FEZF1: variants seen among roughly 807,000 people sequenced by gnomAD.
The protein encoded by FEZF1 is fez family zinc finger protein 1.
A neutral mutation model predicts 32.4 loss-of-function variants in FEZF1; 8 were observed. That is an observed-to-expected ratio of 0.25 (90% CI 0.15 to 0.45). The LOEUF (loss-of-function observed/expected upper bound fraction) is 0.45, where lower values mean the gene tolerates loss of function less well. Among genes scored for constraint, FEZF1 ranks in the 20% least tolerant of loss-of-function variants. The pLI is 1.00. For missense variants in FEZF1, 546 were observed against 622.3 expected, an observed-to-expected ratio of 0.88 and a Z score of 1.31; for synonymous variants, 259 against 265.2, an observed-to-expected ratio of 0.98 and a Z score of 0.23.
rs556031931 is a variant in FEZF1, at chr7:122,303,433, A to G, written c.802-122T>C. 46 of 1,220,846 alleles carry G rather than the reference A, an allele frequency of 3.8e-5. No individual in the cohort carries two copies. In the East Asian group the frequency reaches 7.6e-4, roughly 20 times the overall value. The allele number at this position is 1,220,846 out of a possible 1,614,324, so 75.6% of individuals were successfully genotyped here. A position where few individuals can be genotyped will look rare whatever the true frequency, so the allele number is the denominator to read the frequency against. ...AAGTGTATGCAAATAATTACCCCCA[A>G]AATACTAAAAAGGGAGGAAGGAAAG... On this transcript the variant is annotated intron_variant, in intron 1 of 3. Coordinates refer to ENST00000442488, the MANE Select transcript of FEZF1 (RefSeq NM_001024613.4).
chr7:122,307,855 AAC>A (rs2031328705), upstream of FEZF1, among the ~76,000 whole-genome samples: 1 of 152,262 alleles, frequency 6.6e-6, no homozygotes, highest in African/African-American at 2.4e-5. Flanking sequence ...CCTAACCAAA[AAC>A]ACATGTTAAT....
chr7:122,303,574 G>GA (rs1206931630), intron 1 of FEZF1, 63 bp downstream of exon 1: 29 of 1,061,072 alleles, frequency 2.7e-5, no homozygotes, highest in Non-Finnish European at 3.5e-5. Flanking sequence ...GGGAGGGAGG[G>GA]AGGGAAGGAA....
At chr7:122,303,501 G>A in intron 1 of FEZF1, 136 bp downstream of exon 1, 1 of 535,878 alleles carries the variant, frequency 1.9e-6, no homozygotes. Flanking sequence ...AAGGAAGGAA[G>A]GAAGGAAGGA....
rs1369155665 is a variant in FEZF1, at chr7:122,302,697, C to A, written c.1069+102G>T. On this transcript the variant is annotated intron_variant, in intron 3 of 3. Coordinates refer to ENST00000442488, the MANE Select transcript of FEZF1 (RefSeq NM_001024613.4). The surrounding 1 kb of genome is among the most constrained non-coding windows in gnomAD (Gnocchi z 4.4). ...GGAGTTAGAATGGCAACAAAAGTGC[C>A]ACATAACTACACTTTAAACATCGTC... 4 of 1,293,190 alleles carry A rather than the reference C, an allele frequency of 3.1e-6. No individual in the cohort carries two copies. Among genetic ancestry groups the A allele is most frequent in the Middle Eastern group, 3.7e-4 (2 of 5,376 alleles). The allele number at this position is 1,293,190 out of a possible 1,614,324, so 80.1% of individuals were successfully genotyped here.
At chr7:122,306,245 C>T (rs2031277286), upstream of FEZF1, 2 of 152,816 alleles carry the variant, frequency 1.3e-5, no homozygotes, top group South Asian at 4.1e-4. Flanking sequence ...CGCAGCAGCT[C>T]AAGGTGCCAT....
rs780783637 is a variant in FEZF1 at position 122,303,841 on chromosome 7, G to C, written c.597C>G (p.Ala199=). The C allele has an allele frequency of 4.3e-6, 7 of 1,614,054 alleles. No homozygotes were observed. Among genetic ancestry groups the C allele is most frequent in the African/African-American group, 1.3e-5 (1 of 74,906 alleles). The change falls in exon 1 of 4, where the codon GCC becomes GCG. Residue 199 remains alanine (A), a synonymous_variant. Transcript: ENST00000442488. The part of the protein sequence containing the change: ...PLHPQPKTYL[A]ERNKLVVPAV... The stretch of plus-strand genomic sequence containing the variant: ...CCGGGACCACCAGTTTATTCCTTTC[G>C]GCTAAATACGTTTTTGGCTGCGGGT...
Position 122,302,322 on chromosome 7 carries a change from C to G in FEZF1, c.1103G>C (p.Gly368Ala), listed in dbSNP as rs1336712587. The change falls in exon 4 of 4, where the codon GGG becomes GCG. Residue 368 changes from glycine to alanine, a missense_variant. Physicochemically the swap from Gly to Ala is moderately conservative, Grantham distance 60. Around this residue, in one of 3 missense-constraint regions of FEZF1, gnomAD observed 118 missense variants for 188.7 expected, o/e 0.63. Transcript: ENST00000442488. The surrounding 1 kb of genome is among the most constrained non-coding windows in gnomAD (Gnocchi z 4.4). ...GATATTGCACTTGAACTGCTTCTCCCCGCTGTGGGTCAACTTGTGGTTTTT... is the reference window on the plus strand; with the variant it reads ...GATATTGCACTTGAACTGCTTCTCCGCGCTGTGGGTCAACTTGTGGTTTTT... ...NYKNHKLTHS[G>A]EKQFKCNICN... 6.2e-7 allele frequency: 1 copy of G among 1,613,966 alleles called. No individual in the cohort carries two copies. Among genetic ancestry groups the G allele is most frequent in the Non-Finnish European group, 8.5e-7 (1 of 1,180,024 alleles).
Position 122,304,202 on chromosome 7 carries a change from G to T in FEZF1, c.236C>A (p.Pro79His), listed in dbSNP as rs765948560. 1 of 1,595,822 alleles carries T rather than the reference G, an allele frequency of 6.3e-7. No individual in the cohort carries two copies. Among genetic ancestry groups the T allele is most frequent in the Non-Finnish European group, 8.6e-7 (1 of 1,168,656 alleles). Residue 79 changes from proline to histidine, a missense_variant, in exon 1 of 4, where the codon CCT becomes CAT. Physicochemically the swap from Pro to His is moderately conservative, Grantham distance 77. Around this residue, in one of 3 missense-constraint regions of FEZF1, gnomAD observed 345 missense variants for 360.6 expected, o/e 0.96. Transcript: ENST00000442488. The stretch of plus-strand genomic sequence containing the variant: ...CTTGGGGCTCGTGTCGTAGGCCACA[G>T]GCACGAAGGGGATCATGCAGGGGAT... The part of the protein sequence containing the change: ...SSIPCMIPFV[P>H]VAYDTSPKAG...
Position 122,302,769 on chromosome 7 carries a change from A to C in FEZF1, c.1069+30T>G. 1 of 1,458,854 alleles carries C rather than the reference A, an allele frequency of 6.9e-7. No homozygotes were observed. The highest frequency in any genetic ancestry group is 1.7e-4 in the Middle Eastern group (1 of 5,758). The allele number at this position is 1,458,854 out of a possible 1,614,324, so 90.4% of individuals were successfully genotyped here. On this transcript the variant is annotated intron_variant, in intron 3 of 3. Coordinates refer to ENST00000442488, the MANE Select transcript of FEZF1 (RefSeq NM_001024613.4). This position sits in a 1 kb window ranked among gnomAD's most constrained non-coding sequence, Gnocchi z 4.4. ...TTAAGTATGGCTTTTCATAAGACTA[A>C]CCATGAGAGACATTTCCTGGTTTGC...
In FEZF1 at chr7:122,303,920, G is replaced by A. The variant is rs1222758396; in HGVS notation, c.518C>T (p.Ala173Val). 1 of 1,612,420 alleles carries A rather than the reference G, an allele frequency of 6.2e-7. No individual in the cohort carries two copies. The highest frequency in any genetic ancestry group is 8.5e-7 in the Non-Finnish European group (1 of 1,179,088). Residue 173 changes from alanine (A) to valine (V), a missense_variant, in exon 1 of 4, where the codon GCA (alanine) becomes GTA (valine). Around this residue, in one of 3 missense-constraint regions of FEZF1, gnomAD observed 345 missense variants for 360.6 expected, o/e 0.96. Transcript: ENST00000442488. ...CACCGGGTGGATGTTCACGCCGGCT[G>A]CCGGGTGGCATGGGCCGTCACCTCG... is the stretch of plus-strand genomic sequence containing the variant. ...LNRGDGPCHP[A>V]AGVNIHPVAS...
chr7:122,306,579 C>G (rs1316031673), upstream of FEZF1: 1 of 152,218 alleles, frequency 6.6e-6, no homozygotes, highest in African/African-American at 2.4e-5. Context: ...CGCCTCTGCC[C>G]CAAGAGCCAA....
exon 1 of FEZF1, chr7:122,310,266 T>G (rs1344625167): frequency 6.7e-6 from 1 of 148,244 alleles, no homozygotes; most frequent in Non-Finnish European, 1.5e-5. Flanking sequence ...CAGCCTTCAT[T>G]ATCGCCACGG....
chr7:122,301,625 T>C lies in FEZF1; in HGVS notation c.*372A>G, dbSNP rs2031034552. The C allele has an allele frequency of 5.2e-6, 1 of 193,488 alleles. No individual in the cohort carries two copies. Among genetic ancestry groups the C allele is most frequent in the South Asian group, 1.9e-4 (1 of 5,302 alleles). 12.0% of individuals were successfully genotyped at this position (193,488 alleles called of 1,614,324 possible). A position where few individuals can be genotyped will look rare whatever the true frequency, so the allele number is the denominator to read the frequency against. On this transcript the variant is annotated 3_prime_UTR_variant, in exon 4 of 4. Transcript: ENST00000442488. ...ATTAAAATGATGCAGCATTCCCGGG[T>C]AGAATAATACAGATCTCAATAAATA...
At chr7:122,305,898 G>T (rs2031262653), upstream of FEZF1, 1 of 152,358 alleles carries the variant, frequency 6.6e-6, no homozygotes, top group African/African-American at 2.4e-5. Flanking sequence ...AACACCCGCC[G>T]GGTGTGGCAC....
Position 122,304,353 on chromosome 7 carries a change from A to G in FEZF1, c.85T>C (p.Leu29=). The change falls in exon 1 of 4, where the codon TTG becomes CTG. Residue 29 remains leucine (L), a synonymous_variant. Transcript: ENST00000442488. ...ATGATTCGTTCAATGGAGAAAGCCA[A>G]GGGTTTGGACGTGCTCATCATGTTG... ...RGNMMSTSKP[L]AFSIERIMAR... The G allele has an allele frequency of 1.9e-6, 3 of 1,612,104 alleles. No individual in the cohort carries two copies. The highest frequency in any genetic ancestry group is 2.5e-6 in the Non-Finnish European group (3 of 1,178,826).
At position 122,304,309 on chromosome 7, in the gene FEZF1, G is replaced by A. The variant is rs770458671; in HGVS notation, c.129C>T (p.Pro43=). ...IERIMARTPE[P]KALPVPHFLQ... ...GGAAGTGGGGGACTGGCAGGGCCTT[G>A]GGCTCTGGGGTGCGCGCCATGATTC... The change falls in exon 1 of 4, where the codon CCC becomes CCT. Residue 43 remains proline, a synonymous_variant. Transcript: ENST00000442488. 1 of 1,612,950 alleles carries A rather than the reference G, an allele frequency of 6.2e-7. No homozygotes were observed. The highest frequency in any genetic ancestry group is 1.3e-5 in the African/African-American group (1 of 74,902).
Position 122,301,769 on chromosome 7 carries a change from C to T in FEZF1, c.*228G>A. 4.5e-6 allele frequency: 2 copies of T among 444,706 alleles called. No homozygotes were observed. The highest frequency in any genetic ancestry group is 7.6e-6 in the Non-Finnish European group (2 of 262,466). The allele number at this position is 444,706 out of a possible 1,614,324, so 27.5% of individuals were successfully genotyped here. ...AAAAACAGAAAACAAGCAAAACCCT[C>T]CAAATTTTTCATAATTGTTAGTGCC... is the stretch of plus-strand genomic sequence containing the variant. On this transcript the variant is annotated 3_prime_UTR_variant, in exon 4 of 4. Coordinates refer to ENST00000442488, the MANE Select transcript of FEZF1 (RefSeq NM_001024613.4).
Position 122,304,231 on chromosome 7 carries a change from C to G in FEZF1, c.207G>C (p.Ser69=), listed in dbSNP as rs1563043382. Residue 69 remains serine, a synonymous_variant, in exon 1 of 4, where the codon TCG becomes TCC. Coordinates refer to ENST00000442488, the MANE Select transcript of FEZF1 (RefSeq NM_001024613.4). The stretch of plus-strand genomic sequence containing the variant: ...CGAAGGGGATCATGCAGGGGATCGA[C>G]GAGTTGAGATGCAGAGAGTGCTTGG... ...GEPKHSLHLN[S]SIPCMIPFVP... is the part of the protein sequence containing the mutation. 6.3e-7 allele frequency: 1 copy of G among 1,596,804 alleles called. No individual in the cohort carries two copies. The highest frequency in any genetic ancestry group is 1.3e-5 in the African/African-American group (1 of 74,660).
At chr7:122,303,387 G>C in intron 1 of FEZF1, 76 bp from the exon 2 acceptor site, 1 of 1,555,406 alleles carries the variant, frequency 6.4e-7, no homozygotes, top group Non-Finnish European at 8.8e-7. Flanking sequence ...GAGAGGGTAG[G>C]AGGAAGAGAA....
Sources: allele counts gnomAD v4.1 joint callset (sites outside exome capture counted in the v4.1 genomes callset), GRCh38; gene constraint gnomAD v4.1.1; regional missense constraint gnomAD v4.1.1; non-coding constraint Gnocchi (gnomAD v3.1); transcripts MANE v1.5; gene names NCBI Gene and HGNC (gene_info 2026-07-23, HGNC 2026-07-21).